The following CAMKMT variants were observed in gnomAD, a reference collection of about 807,000 sequenced individuals.
CAMKMT encodes the protein CaM KMT.
In CAMKMT, 53 loss-of-function variants were observed where a neutral mutation model predicts 48.0. The ratio of observed to expected loss-of-function variants is 1.10; its 90% CI spans 0.89 to 1.39. The LOEUF (loss-of-function observed/expected upper bound fraction) is 1.39, where lower values mean the gene tolerates loss of function less well. Ranked by LOEUF, CAMKMT falls within the 40% of genes most tolerant of loss-of-function variation. The probability of loss-of-function intolerance (pLI) is 0.00; values close to 1 mark genes in which losing one functional copy is unlikely to be tolerated. For synonymous variants in CAMKMT, 165 were observed against 152.3 expected, an observed-to-expected ratio of 1.08 and a Z score of -0.61; for missense variants, 428 against 402.7, an observed-to-expected ratio of 1.06 and a Z score of -0.54.
intron 3 of CAMKMT, among the ~76,000 whole-genome samples, chr2:44,616,834 T>C (rs1178882420): frequency 6.6e-6 from 1 of 152,198 alleles, no homozygotes; most frequent in African/African-American, 2.4e-5. Context: ...AATGAGCTCA[T>C]GTTTCTATAT....
At chr2:44,648,868 G>A (rs1180956147) in intron 3 of CAMKMT, among the ~76,000 whole-genome samples, 2 of 152,130 alleles carry the variant, frequency 1.3e-5, no homozygotes, top group Non-Finnish European at 2.9e-5. Flanking sequence ...AAAAACATGA[G>A]CCAGCTAGGT....
chr2:44,672,858 G>A (rs912094531), intron 3 of CAMKMT, among the ~76,000 whole-genome samples: 1 of 152,040 alleles, frequency 6.6e-6, no homozygotes, highest in African/African-American at 2.4e-5. Context: ...TAGTTTGAGG[G>A]TTAGATGAAT....
chr2:44,499,720 G>T (rs150620356), intron 3 of CAMKMT, among the ~76,000 whole-genome samples: 1 of 152,294 alleles, frequency 6.6e-6, no homozygotes, highest in Non-Finnish European at 1.5e-5. Context: ...TGAACATGAG[G>T]TTCTGAAGTG....
At position 44,743,710 on chromosome 2, in the gene CAMKMT, A is replaced by T. The variant is rs376093900; in HGVS notation, c.698+14A>T. Reference sequence around the variant, plus strand: ...GTGTGCTGACTGGTAAGTACATAAAAATCACAAAACTCCTGTTAGAAAAAA... The same window carrying T: ...GTGTGCTGACTGGTAAGTACATAAATATCACAAAACTCCTGTTAGAAAAAA... On this transcript the variant is annotated intron_variant, in intron 8 of 10. Transcript: ENST00000378494. The T allele has an allele frequency of 1.2e-5, 20 of 1,602,290 alleles. No homozygotes were observed. The African/African-American group carries it at 2.7e-4, about 21-fold the overall frequency.
chr2:44,555,529 G>C (rs944541868), intron 3 of CAMKMT, among the ~76,000 whole-genome samples: 3 of 152,164 alleles, frequency 2.0e-5, no homozygotes, highest in African/African-American at 7.2e-5. Flanking sequence ...TTCCCAATAG[G>C]CCTTTGGCTG....
intron 3 of CAMKMT, among the ~76,000 whole-genome samples, chr2:44,576,519 C>T (rs1220540535): frequency 2.0e-5 from 3 of 152,138 alleles, no homozygotes; most frequent in Non-Finnish European, 2.9e-5. Flanking sequence ...AGGGACAAGT[C>T]TTCCTGGTGG....
chr2:44,570,433 T>A (rs1668844603), intron 3 of CAMKMT, among the ~76,000 whole-genome samples: 1 of 152,218 alleles, frequency 6.6e-6, no homozygotes, highest in African/African-American at 2.4e-5. Context: ...GTTAGAGGAA[T>A]AGATTTATCA....
At position 44,764,359 on chromosome 2, in the gene CAMKMT, G is replaced by A. The variant is rs555594373; in HGVS notation, c.763-2071G>A. Among the ~76,000 whole-genome samples the A allele has an allele frequency of 2.0e-5, 3 of 152,252 alleles. No homozygotes were observed. In the South Asian group the frequency reaches 6.2e-4, roughly 32 times the overall value. ...CATTTTTAGAGCACTGTTAGGTGGT[G>A]TAGATCTTTCTAATCTTACATCAGT... On this transcript the variant is annotated intron_variant, in intron 9 of 10. Coordinates refer to ENST00000378494, the MANE Select transcript of CAMKMT (RefSeq NM_024766.5).
chr2:44,685,475 G>C (rs985899190), intron 3 of CAMKMT, among the ~76,000 whole-genome samples: 1 of 152,144 alleles, frequency 6.6e-6, no homozygotes, highest in Non-Finnish European at 1.5e-5. Context: ...TAGCTAGAGA[G>C]AATCTCCCCA....
chr2:44,757,744 G>A lies in CAMKMT; in HGVS notation c.762+3626G>A, dbSNP rs117972912. Among the ~76,000 whole-genome samples the A allele has an allele frequency of 2.5e-3, 380 of 152,112 alleles. 7 individuals are homozygous for A. The East Asian group carries it at 0.03, about 12-fold the overall frequency. On this transcript the variant is annotated intron_variant, in intron 9 of 10. Transcript: ENST00000378494. Reference sequence around the variant, plus strand: ...ATGCTAGCTAATTTTTCTATTTTTGGTAGAGATGGGGTTTCACCTATGTTG... The same window carrying A: ...ATGCTAGCTAATTTTTCTATTTTTGATAGAGATGGGGTTTCACCTATGTTG...
chr2:44,543,023 G>C (rs988286408), intron 3 of CAMKMT, among the ~76,000 whole-genome samples: 1 of 152,272 alleles, frequency 6.6e-6, no homozygotes, highest in Non-Finnish European at 1.5e-5. Context: ...GTATCATATA[G>C]CTTCTTAGAT....
chr2:44,661,662 T>G (rs1248100326), intron 3 of CAMKMT, among the ~76,000 whole-genome samples: 1 of 152,206 alleles, frequency 6.6e-6, no homozygotes, highest in East Asian at 1.9e-4. Context: ...ATTAATTACT[T>G]GTGTTTTGTT....
chr2:44,418,604 C>A (rs1026332750), intron 3 of CAMKMT, among the ~76,000 whole-genome samples: 4 of 152,178 alleles, frequency 2.6e-5, no homozygotes, highest in African/African-American at 4.8e-5. Context: ...ATTGATCCAT[C>A]TTTTATGCCA....
chr2:44,560,848 G>C (rs993689650), intron 3 of CAMKMT, among the ~76,000 whole-genome samples: 1 of 152,192 alleles, frequency 6.6e-6, no homozygotes, highest in Non-Finnish European at 1.5e-5. Context: ...GAACCCTGGA[G>C]TGTAATTTGT....
chr2:44,415,443 C>T (rs1374527670), intron 3 of CAMKMT, among the ~76,000 whole-genome samples: 1 of 152,168 alleles, frequency 6.6e-6, no homozygotes. Context: ...TCTTGCCAGT[C>T]CTATGTTAAT....
At chr2:44,462,770 T>C (rs1667913992) in intron 3 of CAMKMT, among the ~76,000 whole-genome samples, 1 of 152,174 alleles carries the variant, frequency 6.6e-6, no homozygotes, top group African/African-American at 2.4e-5. Context: ...GTCTCAGCTA[T>C]TTAGAAAAAA....
intron 3 of CAMKMT, among the ~76,000 whole-genome samples, chr2:44,565,707 C>CA (rs1239192065): frequency 1.5e-3 from 211 of 138,440 alleles, no homozygotes; most frequent in African/African-American, 2.2e-3. Context: ...ATTAAAAAAA[C>CA]AAAAAAAAAA....
chr2:44,479,178 G>A lies in CAMKMT; in HGVS notation c.376+88873G>A, dbSNP rs1041506214. ...ATCTTTATAGTTACTTTATATTACA[G>A]AGTGTAATAAATTCTAGAAAGATGG... On this transcript the variant is annotated intron_variant, in intron 3 of 10. Transcript: ENST00000378494. Among the ~76,000 whole-genome samples, 6 of 152,142 alleles carry A rather than the reference G, an allele frequency of 3.9e-5. No homozygotes were observed. In the East Asian group the frequency reaches 1.2e-3, roughly 29 times the overall value.
At chr2:44,627,304 G>A (rs948661343) in intron 3 of CAMKMT, among the ~76,000 whole-genome samples, 4 of 152,080 alleles carry the variant, frequency 2.6e-5, no homozygotes, top group Admixed American at 2.0e-4. Context: ...TAAGGGTGGT[G>A]TCATCTATGT....
Sources: allele counts gnomAD v4.1 joint callset (sites outside exome capture counted in the v4.1 genomes callset), GRCh38; gene constraint gnomAD v4.1.1; transcripts MANE v1.5; gene names NCBI Gene and HGNC (gene_info 2026-07-23, HGNC 2026-07-21).